Variants in IFT43 observed in about 807,000 individuals in gnomAD.
IFT43 encodes the protein intraflagellar transport 43.
Under a neutral mutation model 32.3 loss-of-function variants are expected in IFT43, and 33 were observed. That is an observed-to-expected ratio of 1.02 (90% CI 0.77 to 1.37). The LOEUF is 1.37. Ranked by LOEUF, IFT43 falls within the 40% of genes most tolerant of loss-of-function variation. The pLI, the probability that IFT43 is intolerant of heterozygous loss-of-function variation, is 0.00. For synonymous variants in IFT43, 93 were observed against 98.2 expected, an observed-to-expected ratio of 0.95 and a Z score of 0.31; for missense variants, 274 against 265.9, an observed-to-expected ratio of 1.03 and a Z score of -0.21.
chr14:76,052,873 A>G (rs1453117886), intron 3 of IFT43, among the ~76,000 whole-genome samples: 1 of 152,238 alleles, frequency 6.6e-6, no homozygotes, highest in Non-Finnish European at 1.5e-5. Context: ...CTACAGCCCT[A>G]CTATAAGTTG....
chr14:75,991,425 GTA>G (rs1182172983), intron 2 of IFT43, among the ~76,000 whole-genome samples: 42 of 132,952 alleles, frequency 3.2e-4, no homozygotes, highest in African/African-American at 5.3e-4. Context: ...GTGTGTGTGT[GTA>G]TGTATGTATA....
intron 3 of IFT43, among the ~76,000 whole-genome samples, chr14:76,034,487 C>A (rs2036564151): frequency 6.6e-6 from 1 of 152,144 alleles, no homozygotes; most frequent in Non-Finnish European, 1.5e-5. Flanking sequence ...CGTAGCAGCA[C>A]CTTATATGTG....
At chr14:76,001,073 A>T (rs1019126955) in intron 2 of IFT43, among the ~76,000 whole-genome samples, 7 of 152,298 alleles carry the variant, frequency 4.6e-5, no homozygotes, top group African/African-American at 1.7e-4. Context: ...CTTTTTTGAC[A>T]CATAGACCCT....
At chr14:76,028,401 A>T (rs1247435451) in intron 3 of IFT43, among the ~76,000 whole-genome samples, 1 of 151,828 alleles carries the variant, frequency 6.6e-6, no homozygotes, top group African/African-American at 2.4e-5. Context: ...AGAAGAATTT[A>T]CTCTCTCTCC....
chr14:76,008,867 CT>C, intron 2 of IFT43, among the ~76,000 whole-genome samples: 1 of 152,212 alleles, frequency 6.6e-6, no homozygotes. Flanking sequence ...TTAATTCTGA[CT>C]TTGCCCTTAA....
chr14:76,058,208 G>A (rs1162323823), intron 3 of IFT43: 1 of 262,516 alleles, frequency 3.8e-6, no homozygotes, highest in Admixed American at 5.1e-5. Flanking sequence ...AAAGTCTGAA[G>A]CCTGAACTGC....
At chr14:75,991,005 C>T (rs1290773619) in intron 2 of IFT43, among the ~76,000 whole-genome samples, 1 of 152,166 alleles carries the variant, frequency 6.6e-6, no homozygotes, top group Non-Finnish European at 1.5e-5. Flanking sequence ...GTTACATTCT[C>T]GTGATCACTG....
Position 76,083,244 on chromosome 14 carries a change from GA to G in IFT43, c.465del (p.Lys155AsnfsTer87), listed in dbSNP as rs770891697. 6.2e-7 allele frequency: 1 copy of G among 1,614,148 alleles called. No homozygotes were observed. Among genetic ancestry groups the G allele is most frequent in the South Asian group, 1.1e-5 (1 of 91,074 alleles). On this transcript the variant is annotated frameshift_variant, in exon 8 of 9. Transcript: ENST00000314067. LOFTEE classifies it high-confidence loss of function. ...IQTLDGEIDLKLLTKVLAPEH... is the reference protein window; with the variant it reads ...IQTLDGEIDLXLLTKVLAPEH... ...ATTCACAGGATGGGGAGATCGACCT[GA>G]AACTCCTCACCAAAGTGCTCGCGCC...
chr14:76,061,985 CT>C (rs2037143256), intron 5 of IFT43, among the ~76,000 whole-genome samples: 1 of 151,842 alleles, frequency 6.6e-6, no homozygotes, highest in African/African-American at 2.4e-5. Flanking sequence ...TTTTCATGTT[CT>C]TTTGCTGCTA....
rs189115991 is a variant in IFT43 at position 76,039,681 on chromosome 14, A to G, written c.215+17287A>G. 7.7e-4 allele frequency among the ~76,000 whole-genome samples: 118 copies of G among 152,264 alleles called. 1 individual carries two copies. The highest frequency in any genetic ancestry group is 2.8e-3 in the Admixed American group (43 of 15,298). Reference sequence around the variant, plus strand: ...TTATTTTTAAATAAAAAAGAAACATAGTATAGAATTCAAAAGATATGAAAG... The same window carrying G: ...TTATTTTTAAATAAAAAAGAAACATGGTATAGAATTCAAAAGATATGAAAG... On this transcript the variant is annotated intron_variant, in intron 3 of 8. Coordinates refer to ENST00000314067, the MANE Select transcript of IFT43 (RefSeq NM_001102564.3).
intron 3 of IFT43, among the ~76,000 whole-genome samples, chr14:76,050,639 T>C (rs1159792310): frequency 6.6e-6 from 1 of 152,158 alleles, no homozygotes; most frequent in Non-Finnish European, 1.5e-5. Context: ...AGAGTCTTTT[T>C]GGCCTTACAG....
At chr14:76,059,304 C>G (rs762321527) in intron 4 of IFT43, 23 bp from the exon 5 acceptor site, 2 of 1,613,824 alleles carry the variant, frequency 1.2e-6, no homozygotes, top group East Asian at 4.5e-5. Flanking sequence ...TTTTGCTGTC[C>G]TTTTCTTCTT....
chr14:76,003,569 T>C (rs1471640677), intron 2 of IFT43, among the ~76,000 whole-genome samples: 1 of 150,318 alleles, frequency 6.7e-6, no homozygotes, highest in Admixed American at 6.6e-5. Context: ...GAGGCAGAGG[T>C]TACAGTGAGC....
At chr14:76,007,822 G>A (rs191182242) in intron 2 of IFT43, among the ~76,000 whole-genome samples, 36 of 152,288 alleles carry the variant, frequency 2.4e-4, no homozygotes, top group Non-Finnish European at 4.0e-4. Context: ...ATAGACCCAA[G>A]AAGAGGAAGA....
chr14:76,065,504 C>G (rs1468850732), intron 5 of IFT43, among the ~76,000 whole-genome samples: 1 of 152,212 alleles, frequency 6.6e-6, no homozygotes, highest in East Asian at 1.9e-4. Context: ...CATCCTTCCT[C>G]TCTCTCCCTT....
intron 3 of IFT43, among the ~76,000 whole-genome samples, chr14:76,054,675 C>T (rs2036978386): frequency 6.6e-6 from 1 of 152,172 alleles, no homozygotes; most frequent in African/African-American, 2.4e-5. Flanking sequence ...TATGATTTGC[C>T]AGGTTCCCCA....
At chr14:75,999,248 TATATATATATATATATATATATATG>T (rs2035814713) in intron 2 of IFT43, among the ~76,000 whole-genome samples, 4 of 12,608 alleles carry the variant, frequency 3.2e-4, no homozygotes, top group African/African-American at 1.1e-3. Flanking sequence ...TATATATATA[TATATATATATATATATATATATATG>T]TATATATATT....
intron 3 of IFT43, among the ~76,000 whole-genome samples, chr14:76,038,950 G>A (rs1209396966): frequency 6.6e-6 from 1 of 151,924 alleles, no homozygotes; most frequent in African/African-American, 2.4e-5. Context: ...TCGCATTTGG[G>A]CCTGGTGTCC....
intron 2 of IFT43, among the ~76,000 whole-genome samples, chr14:75,990,242 CA>C (rs2139864159): frequency 6.6e-6 from 1 of 152,300 alleles, no homozygotes; most frequent in African/African-American, 2.4e-5. Context: ...GAGATGCTGG[CA>C]GTCTAAAATT....
Sources: allele counts gnomAD v4.1 joint callset (sites outside exome capture counted in the v4.1 genomes callset), GRCh38; gene constraint gnomAD v4.1.1; transcripts MANE v1.5; gene names NCBI Gene and HGNC (gene_info 2026-07-23, HGNC 2026-07-21).